PDE1C: variants seen among roughly 807,000 people sequenced by gnomAD.
The protein encoded by PDE1C is dual specificity calcium/calmodulin-dependent 3',5'-cyclic nucleotide phosphodiesterase 1C.
PDE1C carries 62 observed loss-of-function variants against 93.1 expected under a neutral mutation model. That is an observed-to-expected ratio of 0.67 (90% CI 0.54 to 0.82). The LOEUF (loss-of-function observed/expected upper bound fraction) is 0.82. Among genes scored for constraint, PDE1C ranks in the 40% least tolerant of loss-of-function variants. The pLI, the probability that PDE1C is intolerant of heterozygous loss-of-function variation, is 0.00. For missense variants in PDE1C, 742 were observed against 884.6 expected (o/e 0.84, Z 2.04); for synonymous variants, 325 against 310.1 (o/e 1.05, Z -0.50).
chr7:31,758,916 C>G (rs2128604314), intron 17 of PDE1C, among the ~76,000 whole-genome samples: 1 of 152,292 alleles, frequency 6.6e-6, no homozygotes, highest in East Asian at 1.9e-4. Context: ...TTCTATTTCA[C>G]TACTCAGCAG....
At chr7:32,170,445 C>T (rs1033904755) in intron 2 of PDE1C, among the ~76,000 whole-genome samples, 1 of 152,030 alleles carries the variant, frequency 6.6e-6, no homozygotes, top group African/African-American at 2.4e-5. Context: ...GTAGTTTATG[C>T]ATGTAAAACT....
chr7:31,731,605 G>C, the PDE1C span, among the ~76,000 whole-genome samples: 48,749 of 152,028 alleles, frequency 0.32, 8,826 homozygotes, highest in East Asian at 0.62. Flanking sequence ...GGTCAGGCTG[G>C]TCTCGAACTC....
At chr7:31,860,518 TTTTA>T (rs1794570051) in intron 7 of PDE1C, among the ~76,000 whole-genome samples, 1 of 152,220 alleles carries the variant, frequency 6.6e-6, no homozygotes, top group East Asian at 1.9e-4. Flanking sequence ...TTCATATTTC[TTTTA>T]TTGATTAAAT....
At chr7:32,345,053 A>G (rs1255744147) in intron 1 of PDE1C, among the ~76,000 whole-genome samples, 1 of 152,200 alleles carries the variant, frequency 6.6e-6, no homozygotes, top group Non-Finnish European at 1.5e-5. Context: ...TAAAGGCCCT[A>G]GCACTTCATC....
At chr7:32,085,644 G>T (rs996907965) in intron 3 of PDE1C, among the ~76,000 whole-genome samples, 10 of 147,512 alleles carry the variant, frequency 6.8e-5, no homozygotes, top group African/African-American at 2.5e-4. Flanking sequence ...ACATCAAAAA[G>T]CTTATCCACC....
At chr7:32,356,713 T>C (rs574474572) in intron 1 of PDE1C, among the ~76,000 whole-genome samples, 1 of 152,344 alleles carries the variant, frequency 6.6e-6, no homozygotes, top group African/African-American at 2.4e-5. Flanking sequence ...TAATATGCCA[T>C]GGTCACCTAA....
At chr7:32,030,253 T>C (rs1303310761) in intron 2 of PDE1C, among the ~76,000 whole-genome samples, 1 of 151,952 alleles carries the variant, frequency 6.6e-6, no homozygotes, top group Admixed American at 6.6e-5. Flanking sequence ...GAAAATGTAT[T>C]CAGATTTTAC....
chr7:32,027,832 GCAA>G (rs1234425663), intron 2 of PDE1C, among the ~76,000 whole-genome samples: 6 of 151,512 alleles, frequency 4.0e-5, no homozygotes, highest in Non-Finnish European at 8.8e-5. Flanking sequence ...TGTTTCCAAA[GCAA>G]CAACAACAAA....
At position 31,850,636 on chromosome 7, in the gene PDE1C, C is replaced by T. The variant is rs1583599771; in HGVS notation, c.851+5G>A. Reference sequence around the variant, plus strand: ...CCTCTCTTCCAAACATTTAAACACCCTCACCGAGTCTGAATGTGGAAATTG... The same window carrying T: ...CCTCTCTTCCAAACATTTAAACACCTTCACCGAGTCTGAATGTGGAAATTG... On this transcript the variant is annotated splice_donor_5th_base_variant and intron_variant, in intron 8 of 17. Coordinates refer to ENST00000396191, the MANE Select transcript of PDE1C (RefSeq NM_001191057.4). 1.3e-6 allele frequency: 2 copies of T among 1,598,702 alleles called. No homozygotes were observed. The highest frequency in any genetic ancestry group is 4.5e-5 in the East Asian group (2 of 44,734).
At chr7:31,966,618 ATC>A (rs1288181375) in intron 2 of PDE1C, among the ~76,000 whole-genome samples, 1 of 152,208 alleles carries the variant, frequency 6.6e-6, no homozygotes, top group East Asian at 1.9e-4. Context: ...CCTAATAGAC[ATC>A]TACAGAACTC....
intron 1 of PDE1C, among the ~76,000 whole-genome samples, chr7:32,059,345 T>C (rs191075343): frequency 2.0e-5 from 3 of 152,300 alleles, no homozygotes; most frequent in African/African-American, 7.2e-5. Context: ...TATCTAGTGC[T>C]GGCCAGGCAG....
intron 9 of PDE1C, among the ~76,000 whole-genome samples, chr7:31,846,110 A>G (rs1249488677): frequency 6.6e-6 from 1 of 152,178 alleles, no homozygotes; most frequent in African/African-American, 2.4e-5. Flanking sequence ...TAGATCGTGT[A>G]TAATCCTGGC....
At chr7:31,967,218 CTAAT>C (rs1810141828) in intron 2 of PDE1C, among the ~76,000 whole-genome samples, 1 of 151,922 alleles carries the variant, frequency 6.6e-6, no homozygotes, top group Non-Finnish European at 1.5e-5. Flanking sequence ...GCTAGCAAGA[CTAAT>C]AAAGAAGAAA....
chr7:31,691,785 G>C, the PDE1C span, among the ~76,000 whole-genome samples: 5 of 91,278 alleles, frequency 5.5e-5, no homozygotes, highest in Admixed American at 8.2e-4. Context: ...AATAGTTGTA[G>C]AATGTAATGA....
At chr7:31,789,852 G>T in intron 16 of PDE1C, 4 of 1,021,850 alleles carry the variant, frequency 3.9e-6, no homozygotes, top group Non-Finnish European at 4.7e-6. Flanking sequence ...TACTGTGTGT[G>T]TGGCTTTTTT....
intron 2 of PDE1C, among the ~76,000 whole-genome samples, chr7:31,915,285 C>T (rs1433268337): frequency 6.6e-6 from 1 of 152,142 alleles, no homozygotes; most frequent in East Asian, 1.9e-4. Context: ...AAATGCGTTC[C>T]AGCAGCCCCA....
chr7:31,810,406 G>C (rs888302458), intron 15 of PDE1C, among the ~76,000 whole-genome samples: 1 of 152,052 alleles, frequency 6.6e-6, no homozygotes, highest in East Asian at 1.9e-4. Flanking sequence ...TACTTTATTT[G>C]TGCCAGGCAG....
chr7:31,784,874 GT>G (rs1783759195), intron 16 of PDE1C: 1 of 152,058 alleles, frequency 6.6e-6, no homozygotes, highest in South Asian at 2.1e-4. Context: ...ATGGCTGTAG[GT>G]TTTTCCTATC....
intron 2 of PDE1C, among the ~76,000 whole-genome samples, chr7:31,976,451 T>C (rs1188175764): frequency 6.6e-6 from 1 of 152,206 alleles, no homozygotes; most frequent in African/African-American, 2.4e-5. Context: ...CATAAGTATG[T>C]GAAAGAATGA....
Sources: allele counts gnomAD v4.1 joint callset (sites outside exome capture counted in the v4.1 genomes callset), GRCh38; gene constraint gnomAD v4.1.1; transcripts MANE v1.5; gene names NCBI Gene and HGNC (gene_info 2026-07-23, HGNC 2026-07-21).